Variants in DRC11 observed in about 807,000 individuals in gnomAD.
The protein encoded by DRC11 is IQ and AAA domain-containing protein 1.
the DRC11 span, among the ~76,000 whole-genome samples, chr2:236,341,069 ATTAC>A: frequency 6.6e-6 from 1 of 152,154 alleles, no homozygotes; most frequent in Non-Finnish European, 1.5e-5. Flanking sequence ...TCACAACTGT[ATTAC>A]TTTGGGCAAT....
At chr2:236,488,968 T>C in the DRC11 span, among the ~76,000 whole-genome samples, 5 of 147,450 alleles carry the variant, frequency 3.4e-5, no homozygotes, top group Non-Finnish European at 7.5e-5. Flanking sequence ...TGCTGGGACC[T>C]GTGTGGGCTC....
chr2:236,475,251 A>C, the DRC11 span, among the ~76,000 whole-genome samples: 1 of 152,100 alleles, frequency 6.6e-6, no homozygotes, highest in Non-Finnish European at 1.5e-5. This position sits in a 1 kb window ranked among gnomAD's most constrained non-coding sequence, Gnocchi z 4.8. Flanking sequence ...GTGCTGGCTT[A>C]TTTCATTTAA....
At chr2:236,390,630 A>C in the DRC11 span, among the ~76,000 whole-genome samples, 898 of 152,156 alleles carry the variant, frequency 5.9e-3, 9 homozygotes, top group African/African-American at 0.021. The surrounding 1 kb of genome is among the most constrained non-coding windows in gnomAD (Gnocchi z 5.9). Flanking sequence ...GACAGGCCCA[A>C]CGCTGATTTT....
the DRC11 span, among the ~76,000 whole-genome samples, chr2:236,456,591 T>G: frequency 1.3e-5 from 2 of 152,154 alleles, no homozygotes; most frequent in Non-Finnish European, 2.9e-5. The surrounding 1 kb of genome is among the most constrained non-coding windows in gnomAD (Gnocchi z 5.4). Flanking sequence ...GCTTAAAAGA[T>G]GGAATGTGGC....
the DRC11 span, among the ~76,000 whole-genome samples, chr2:236,356,964 A>G: frequency 1.8e-5 from 2 of 109,960 alleles, no homozygotes; most frequent in South Asian, 2.5e-4. Flanking sequence ...TCATAAATAT[A>G]TATATTATAT....
the DRC11 span, among the ~76,000 whole-genome samples, chr2:236,460,473 T>C: frequency 1.3e-5 from 2 of 152,194 alleles, no homozygotes; most frequent in Non-Finnish European, 2.9e-5. This position sits in a 1 kb window ranked among gnomAD's most constrained non-coding sequence, Gnocchi z 4.0. Context: ...TGTCAAAAGA[T>C]GGTTGCCACG....
the DRC11 span, among the ~76,000 whole-genome samples, chr2:236,421,730 T>C: frequency 6.6e-6 from 1 of 152,212 alleles, no homozygotes; most frequent in African/African-American, 2.4e-5. Flanking sequence ...GTTATCTTGA[T>C]ACCAAAGCCT....
At chr2:236,417,886 T>G in the DRC11 span, among the ~76,000 whole-genome samples, 1 of 152,292 alleles carries the variant, frequency 6.6e-6, no homozygotes, top group Admixed American at 6.5e-5. Context: ...GCTTCATTCA[T>G]GTATCTGCAA....
chr2:236,413,225 C>G, the DRC11 span, among the ~76,000 whole-genome samples: 1 of 152,238 alleles, frequency 6.6e-6, no homozygotes. This position sits in a 1 kb window ranked among gnomAD's most constrained non-coding sequence, Gnocchi z 4.0. Flanking sequence ...AGAAAGTCCA[C>G]ACACCTTTTC....
chr2:236,497,431 T>G, the DRC11 span: 7 of 1,613,676 alleles, frequency 4.3e-6, no homozygotes, highest in East Asian at 1.3e-4. This position sits in a 1 kb window ranked among gnomAD's most constrained non-coding sequence, Gnocchi z 5.1. Context: ...CTGAGGCTCT[T>G]TATCGAGTAA....
chr2:236,309,346 CCCTT>C, the DRC11 span, among the ~76,000 whole-genome samples: 19 of 152,238 alleles, frequency 1.2e-4, no homozygotes, highest in South Asian at 3.9e-3. The surrounding 1 kb of genome is among the most constrained non-coding windows in gnomAD (Gnocchi z 5.7). Context: ...GTCCTAATTA[CCCTT>C]CCTTCCCTTT....
chr2:236,492,379 G>T, the DRC11 span, among the ~76,000 whole-genome samples: 1 of 152,184 alleles, frequency 6.6e-6, no homozygotes, highest in Non-Finnish European at 1.5e-5. Flanking sequence ...CAAATACAGG[G>T]CATGCATTTC....
At chr2:236,368,429 G>T in the DRC11 span, 3 of 608,976 alleles carry the variant, frequency 4.9e-6, no homozygotes, top group Admixed American at 8.8e-5. Flanking sequence ...AATCCTATTA[G>T]GAGAGTCATT....
the DRC11 span, chr2:236,376,985 C>T: frequency 1.5e-6 from 1 of 647,202 alleles, no homozygotes; most frequent in East Asian, 2.7e-5. The surrounding 1 kb of genome is among the most constrained non-coding windows in gnomAD (Gnocchi z 5.7). Context: ...CAGGAGCCAC[C>T]ATCGGCCAGG....
At chr2:236,344,182 T>C in the DRC11 span, among the ~76,000 whole-genome samples, 1 of 152,204 alleles carries the variant, frequency 6.6e-6, no homozygotes, top group African/African-American at 2.4e-5. Context: ...AGGGTCTTTG[T>C]TCATCAATTG....
the DRC11 span, among the ~76,000 whole-genome samples, chr2:236,452,426 C>G: frequency 5.3e-5 from 8 of 152,158 alleles, no homozygotes; most frequent in Non-Finnish European, 7.4e-5. The surrounding 1 kb of genome is among the most constrained non-coding windows in gnomAD (Gnocchi z 4.7). Context: ...CCGGTCCCCC[C>G]CAAGTCATCC....
chr2:236,357,206 TTC>T, the DRC11 span, among the ~76,000 whole-genome samples: 4 of 111,656 alleles, frequency 3.6e-5, no homozygotes, highest in South Asian at 2.5e-4. Context: ...ATAAATTATA[TTC>T]ATATAGTATA....
the DRC11 span, among the ~76,000 whole-genome samples, chr2:236,362,727 CA>C: frequency 6.6e-6 from 1 of 151,580 alleles, no homozygotes; most frequent in Admixed American, 6.6e-5. The surrounding 1 kb of genome is among the most constrained non-coding windows in gnomAD (Gnocchi z 5.7). Flanking sequence ...ATATAAATTT[CA>C]AAAAAAAGTT....
the DRC11 span, among the ~76,000 whole-genome samples, chr2:236,451,155 T>C: frequency 6.6e-6 from 1 of 152,146 alleles, no homozygotes; most frequent in East Asian, 1.9e-4. Context: ...GCCACTTTCT[T>C]TAAAGTATTC....
Sources: gnomAD v4.1 joint callset for allele counts (sites outside exome capture counted in the v4.1 genomes callset) on GRCh38, gnomAD v4.1.1 for gene constraint, Gnocchi (gnomAD v3.1) non-coding constraint, MANE v1.5 for transcripts, NCBI Gene and HGNC (gene_info 2026-07-23, HGNC 2026-07-21) for gene names.